The following CALN1 variants were observed in gnomAD, a reference collection of about 807,000 sequenced individuals.
The protein encoded by CALN1 is calcium-binding protein 8.
Under a neutral mutation model 30.6 loss-of-function variants are expected in CALN1, and 17 were observed. The ratio of observed to expected loss-of-function variants is 0.56; its 90% CI spans 0.38 to 0.83. CALN1 has a LOEUF of 0.83. Ranked by LOEUF, CALN1 falls within the 40% of genes least tolerant of loss-of-function variation. The pLI is 0.00. For synonymous variants in CALN1, 156 were observed against 131.4 expected (o/e 1.19, Z -1.28); for missense variants, 291 against 354.9 (o/e 0.82, Z 1.45).
At chr7:72,501,948 T>TATATATATATATATATATATATACAC in the CALN1 span, among the ~76,000 whole-genome samples, 9 of 72,348 alleles carry the variant, frequency 1.2e-4, no homozygotes, top group African/African-American at 5.8e-4. Context: ...TATATATATA[T>TATATATATATATATATATATATACAC]ACACACATAT....
At chr7:71,847,901 G>A (rs1319341755) in intron 5 of CALN1, among the ~76,000 whole-genome samples, 1 of 151,988 alleles carries the variant, frequency 6.6e-6, no homozygotes, top group Non-Finnish European at 1.5e-5. Context: ...ATTCTGTCTT[G>A]CCACCACCAT....
At chr7:71,796,163 A>G (rs1384759346) in intron 6 of CALN1, among the ~76,000 whole-genome samples, 1 of 151,822 alleles carries the variant, frequency 6.6e-6, no homozygotes, top group Non-Finnish European at 1.5e-5. Context: ...ATTTTATTGT[A>G]TGAATATGTC....
chr7:72,082,533 C>T (rs1465238611), intron 4 of CALN1, among the ~76,000 whole-genome samples: 2 of 152,180 alleles, frequency 1.3e-5, no homozygotes, highest in African/African-American at 2.4e-5. Flanking sequence ...CTCCTGAAAA[C>T]CCAGAAAACC....
At chr7:71,989,638 C>G (rs1350270676) in intron 5 of CALN1, among the ~76,000 whole-genome samples, 6 of 152,046 alleles carry the variant, frequency 3.9e-5, no homozygotes, top group Non-Finnish European at 8.8e-5. Context: ...CACTTTGCGA[C>G]AAATCGCAGG....
At position 71,850,498 on chromosome 7, in the gene CALN1, G is replaced by A. The variant is rs190380815; in HGVS notation, c.502-40006C>T. 6.8e-4 allele frequency among the ~76,000 whole-genome samples: 103 copies of A among 152,338 alleles called. 1 individual carries two copies. Among genetic ancestry groups the A allele is most frequent in the African/African-American group, 2.3e-3 (94 of 41,586 alleles). Reference sequence around the variant, plus strand: ...TTCCCAAAGCGCTGGGATTACAGGCGTGGGCCACTGTGCCAGCCTGACATT... The same window carrying A: ...TTCCCAAAGCGCTGGGATTACAGGCATGGGCCACTGTGCCAGCCTGACATT... On this transcript the variant is annotated intron_variant, in intron 5 of 6. Transcript: ENST00000395275.
At chr7:72,409,225 A>G (rs537234962) in intron 1 of CALN1, among the ~76,000 whole-genome samples, 27 of 149,902 alleles carry the variant, frequency 1.8e-4, no homozygotes, top group African/African-American at 6.4e-4. Context: ...CCAAGTCCTG[A>G]CCTCATGATC....
chr7:71,930,180 T>C (rs1252612546), intron 5 of CALN1, among the ~76,000 whole-genome samples: 2 of 152,212 alleles, frequency 1.3e-5, no homozygotes, highest in African/African-American at 4.8e-5. Context: ...TTTTGACCTA[T>C]AGTTATTTGA....
chr7:71,987,357 G>C (rs919031164), intron 5 of CALN1, among the ~76,000 whole-genome samples: 1 of 152,210 alleles, frequency 6.6e-6, no homozygotes, highest in Non-Finnish European at 1.5e-5. Flanking sequence ...AAGTCCATGC[G>C]GGGGCTGTGA....
rs114094998 is a variant in CALN1 at position 71,855,320 on chromosome 7, G to A, written c.502-44828C>T. Among the ~76,000 whole-genome samples, 1,204 of 152,194 alleles carry A rather than the reference G, an allele frequency of 7.9e-3. 9 individuals carry two copies. Among genetic ancestry groups the A allele is most frequent in the African/African-American group, 0.028 (1,165 of 41,524 alleles). Reference sequence around the variant, plus strand: ...TCCGTGTTTCATGAAGCTTTCCAGGGGATGCTCTGGCTGACGCTGGACAAT... The same window carrying A: ...TCCGTGTTTCATGAAGCTTTCCAGGAGATGCTCTGGCTGACGCTGGACAAT... On this transcript the variant is annotated intron_variant, in intron 5 of 6. Coordinates refer to ENST00000395275, the MANE Select transcript of CALN1 (RefSeq NM_031468.4).
intron 2 of CALN1, among the ~76,000 whole-genome samples, chr7:72,402,949 G>A (rs1374110971): frequency 1.3e-5 from 2 of 152,164 alleles, no homozygotes; most frequent in Admixed American, 6.5e-5. Flanking sequence ...TTTTATGCTA[G>A]TACATAGTCC....
At chr7:72,220,504 C>T (rs1201384159) in intron 3 of CALN1, among the ~76,000 whole-genome samples, 7 of 151,696 alleles carry the variant, frequency 4.6e-5, no homozygotes, top group Non-Finnish European at 8.8e-5. Context: ...AATAAACATA[C>T]GTGTGCATGT....
At chr7:71,886,659 G>A (rs1478031760) in intron 5 of CALN1, among the ~76,000 whole-genome samples, 2 of 151,714 alleles carry the variant, frequency 1.3e-5, no homozygotes, top group Admixed American at 6.6e-5. Flanking sequence ...TGTAATCCCA[G>A]CTACTTGGGA....
intron 4 of CALN1, among the ~76,000 whole-genome samples, chr7:72,050,272 A>G (rs919552628): frequency 1.3e-5 from 2 of 152,164 alleles, no homozygotes; most frequent in Non-Finnish European, 2.9e-5. Context: ...CCATTATGCC[A>G]TGTTGTCTTT....
At chr7:72,338,470 A>AGAGAGTGTGTGTGTGT (rs1031551970) in intron 2 of CALN1, among the ~76,000 whole-genome samples, 2 of 74,760 alleles carry the variant, frequency 2.7e-5, no homozygotes, top group East Asian at 4.2e-4. Context: ...CCAGCAGCAC[A>AGAGAGTGTGTGTGTGT]GTGTGTGTGT....
At chr7:72,058,083 T>C (rs968337361) in intron 4 of CALN1, among the ~76,000 whole-genome samples, 1 of 152,078 alleles carries the variant, frequency 6.6e-6, no homozygotes, top group Non-Finnish European at 1.5e-5. Context: ...AAATTAGAAT[T>C]GTATAGAAAA....
chr7:72,139,073 C>T (rs763625397), intron 3 of CALN1, among the ~76,000 whole-genome samples: 2 of 152,310 alleles, frequency 1.3e-5, no homozygotes, highest in South Asian at 2.1e-4. Context: ...AAAGACATCA[C>T]GTCTAATCAC....
At chr7:72,355,177 C>A (rs896347003) in intron 2 of CALN1, among the ~76,000 whole-genome samples, 5 of 152,132 alleles carry the variant, frequency 3.3e-5, no homozygotes, top group Admixed American at 6.6e-5. Context: ...CAAAGTGCTG[C>A]GATTACAGGC....
intron 2 of CALN1, among the ~76,000 whole-genome samples, chr7:72,283,009 C>T (rs1007464612): frequency 2.0e-5 from 3 of 147,916 alleles, no homozygotes; most frequent in Non-Finnish European, 4.4e-5. Flanking sequence ...GAGCCGAGAT[C>T]GTGCCACTGC....
At chr7:72,068,766 C>A (rs1584875684) in intron 4 of CALN1, among the ~76,000 whole-genome samples, 1 of 152,312 alleles carries the variant, frequency 6.6e-6, no homozygotes, top group Non-Finnish European at 1.5e-5. Context: ...GCTGGGATTA[C>A]AGGCATGAGC....
Sources: gnomAD v4.1 joint callset for allele counts (sites outside exome capture counted in the v4.1 genomes callset) on GRCh38, gnomAD v4.1.1 for gene constraint, MANE v1.5 for transcripts, NCBI Gene and HGNC (gene_info 2026-07-23, HGNC 2026-07-21) for gene names.